Variants in ZMYND12 observed in about 807,000 individuals in gnomAD.
ZMYND12 encodes zinc finger MYND domain-containing protein 12.
ZMYND12 carries 32 observed loss-of-function variants against 41.7 expected under a neutral mutation model. That is an observed-to-expected ratio of 0.77 (90% CI 0.58 to 1.03). The LOEUF is 1.03. Ranked by LOEUF, ZMYND12 falls within the 50% of genes least tolerant of loss-of-function variation. The probability of loss-of-function intolerance (pLI) is 0.00; values close to 1 mark genes in which losing one functional copy is unlikely to be tolerated. For missense variants in ZMYND12, 424 were observed against 438.5 expected, an observed-to-expected ratio of 0.97 and a Z score of 0.30; for synonymous variants, 148 against 164.8, an observed-to-expected ratio of 0.90 and a Z score of 0.78.
intron 1 of ZMYND12, among the ~76,000 whole-genome samples, chr1:42,453,712 G>A (rs1643110943): frequency 6.6e-6 from 1 of 152,198 alleles, no homozygotes; most frequent in Non-Finnish European, 1.5e-5. Context: ...AAGCCTGAGT[G>A]GCAGGTTTTA....
intron 2 of ZMYND12, among the ~76,000 whole-genome samples, chr1:42,448,905 G>C (rs1467465309): frequency 6.6e-6 from 1 of 152,218 alleles, no homozygotes; most frequent in Non-Finnish European, 1.5e-5. Context: ...AGAGTTATCA[G>C]ATGAATAAAT....
chr1:42,455,846 G>A (rs1643165312), intron 1 of ZMYND12, 42 bp downstream of exon 1: 3 of 1,463,498 alleles, frequency 2.0e-6, no homozygotes, highest in African/African-American at 2.8e-5. Context: ...AGGGAGAGAG[G>A]GAGGGAGTTA....
At chr1:42,449,738 A>G (rs7513968) in intron 2 of ZMYND12, among the ~76,000 whole-genome samples, 180 bp downstream of exon 2, 59,127 of 152,086 alleles carry the variant, frequency 0.39, 12,006 homozygotes, top group East Asian at 0.59. Flanking sequence ...CTAATACAGT[A>G]AGTATTTAGT....
At chr1:42,454,566 A>G (rs182987558) in intron 1 of ZMYND12, among the ~76,000 whole-genome samples, 174 of 152,278 alleles carry the variant, frequency 1.1e-3, no homozygotes, top group South Asian at 2.9e-3. Context: ...CCTTAACACA[A>G]ATGAGAGCAT....
intron 7 of ZMYND12, among the ~76,000 whole-genome samples, chr1:42,432,589 G>A (rs1167092217): frequency 2.6e-5 from 4 of 152,046 alleles, no homozygotes; most frequent in Non-Finnish European, 2.9e-5. Context: ...GCTACTTGCT[G>A]TCTGTAAGAC....
chr1:42,439,876 G>A lies in ZMYND12; in HGVS notation c.574C>T (p.Arg192Cys), dbSNP rs139202265. The change falls in exon 4 of 8, where the codon CGT (arginine) becomes TGT (cysteine). Residue 192 changes from arginine to cysteine, a missense_variant. Arg to Cys is a radical substitution (Grantham distance 180). Coordinates refer to ENST00000372565, the MANE Select transcript of ZMYND12 (RefSeq NM_032257.5). ...YIAKKNYEEA[R>C]YHLANDIYFA... ...TTTACATCATTGGCCAGATGATAAC[G>A]GGCCTCTTCATAGTTTTTCTTAGCT... The A allele has an allele frequency of 5.9e-5, 95 of 1,612,086 alleles. No homozygotes were observed. In the African/African-American group the frequency reaches 9.3e-4, roughly 16 times the overall value.
Position 42,430,605 on chromosome 1 carries a change from G to T in ZMYND12, c.*131C>A. ...TGTGTAAGAAAAAAATAACAGCTAT[G>T]TGTGCAATCCCAGGGGAAGAGGGTG... On this transcript the variant is annotated 3_prime_UTR_variant, in exon 8 of 8. Coordinates refer to ENST00000372565, the MANE Select transcript of ZMYND12 (RefSeq NM_032257.5). 8.4e-7 allele frequency: 1 copy of T among 1,185,498 alleles called. No individual in the cohort carries two copies. Among genetic ancestry groups the T allele is most frequent in the Non-Finnish European group, 1.2e-6 (1 of 847,858 alleles). The allele number at this position is 1,185,498 out of a possible 1,614,324, so 73.4% of individuals were successfully genotyped here. A position where few individuals can be genotyped will look rare whatever the true frequency, so the allele number is the denominator to read the frequency against.
chr1:42,444,293 G>C (rs1166970289), intron 3 of ZMYND12, among the ~76,000 whole-genome samples: 6 of 152,178 alleles, frequency 3.9e-5, no homozygotes, highest in Admixed American at 3.9e-4. Flanking sequence ...CGATCACCCA[G>C]ACAGTAAAGA....
intron 4 of ZMYND12, among the ~76,000 whole-genome samples, chr1:42,439,597 T>C (rs1642945478): frequency 6.6e-6 from 1 of 152,174 alleles, no homozygotes; most frequent in African/African-American, 2.4e-5. Context: ...TATGCTGTTT[T>C]GCCTCCCTTT....
At chr1:42,448,844 A>G (rs1402353811) in intron 2 of ZMYND12, among the ~76,000 whole-genome samples, 3 of 152,236 alleles carry the variant, frequency 2.0e-5, no homozygotes, top group African/African-American at 7.2e-5. Context: ...GCCCAGGAAC[A>G]TGTGTATTTT....
chr1:42,448,361 A>G (rs1643045814), intron 3 of ZMYND12, 106 bp downstream of exon 3: 1 of 1,308,494 alleles, frequency 7.6e-7, no homozygotes, highest in East Asian at 2.9e-5. Flanking sequence ...CTCCTTCTAC[A>G]ATAGGTCTCT....
rs1553179378 is a variant in ZMYND12 at position 42,445,449 on chromosome 1, A to AT, written c.424+3017_424+3018insA. 9.9e-3 allele frequency among the ~76,000 whole-genome samples: 1,485 copies of AT among 150,164 alleles called. 14 individuals carry two copies. The highest frequency in any genetic ancestry group is 0.016 in the Non-Finnish European group (1,089 of 67,452). ...CTCCGTCTAAAAAAAAAAAAAAAAA[A>AT]GGGGAGACCCAACCTGGTCTGGAGC... On this transcript the variant is annotated intron_variant, in intron 3 of 7. Transcript: ENST00000372565.
At chr1:42,444,593 G>A (rs530412567) in intron 3 of ZMYND12, among the ~76,000 whole-genome samples, 6 of 152,192 alleles carry the variant, frequency 3.9e-5, no homozygotes, top group South Asian at 4.1e-4. Context: ...CAGTGCTCAC[G>A]AGGTTTCAGG....
intron 3 of ZMYND12, among the ~76,000 whole-genome samples, chr1:42,441,029 T>G (rs1316836830): frequency 6.6e-6 from 1 of 152,204 alleles, no homozygotes; most frequent in Non-Finnish European, 1.5e-5. Flanking sequence ...TTGTGAAATA[T>G]ATATATGCAT....
intron 5 of ZMYND12, 87 bp from the exon 6 acceptor site, chr1:42,435,472 G>A (rs1287956917): frequency 1.3e-5 from 14 of 1,038,184 alleles, no homozygotes; most frequent in Non-Finnish European, 1.8e-5. Context: ...GCATTTGGCC[G>A]GGCTTCTGGA....
intron 3 of ZMYND12, among the ~76,000 whole-genome samples, chr1:42,446,305 G>T (rs1019500383): frequency 6.6e-6 from 1 of 152,190 alleles, no homozygotes; most frequent in Non-Finnish European, 1.5e-5. Context: ...ACCCTATGGT[G>T]CTGTATTAGA....
chr1:42,431,869 C>A (rs2148403445), intron 7 of ZMYND12, among the ~76,000 whole-genome samples: 1 of 152,138 alleles, frequency 6.6e-6, no homozygotes, highest in South Asian at 2.1e-4. Flanking sequence ...TGAGCTCCTC[C>A]AGGCCTGGTA....
At chr1:42,435,058 C>T (rs946024395) in intron 6 of ZMYND12, among the ~76,000 whole-genome samples, 1 of 152,066 alleles carries the variant, frequency 6.6e-6, no homozygotes, top group Non-Finnish European at 1.5e-5. Context: ...TTAGTAACCC[C>T]CGAATGGCTA....
chr1:42,441,498 A>G (rs1257862182), intron 3 of ZMYND12, among the ~76,000 whole-genome samples: 2 of 152,248 alleles, frequency 1.3e-5, no homozygotes, highest in African/African-American at 4.8e-5. Context: ...TAAATTACTT[A>G]TAATACCTAA....
Sources: allele counts gnomAD v4.1 joint callset (sites outside exome capture counted in the v4.1 genomes callset), GRCh38; gene constraint gnomAD v4.1.1; transcripts MANE v1.5; gene names NCBI Gene and HGNC (gene_info 2026-07-23, HGNC 2026-07-21).